Variants in PHF21A observed in about 807,000 individuals in gnomAD.
PHF21A encodes the protein PHD finger protein 21A.
Under a neutral mutation model 82.5 loss-of-function variants are expected in PHF21A, and 11 were observed. That is an observed-to-expected ratio of 0.13 (90% confidence interval 0.08 to 0.22). The LOEUF is 0.22. Ranked by LOEUF, PHF21A falls within the 10% of genes least tolerant of loss-of-function variation. The pLI, the probability that PHF21A is intolerant of heterozygous loss-of-function variation, is 1.00. For synonymous variants in PHF21A, 297 were observed against 302.8 expected (o/e 0.98, Z 0.20); for missense variants, 579 against 837.8 (o/e 0.69, Z 3.81).
chr11:46,073,089 G>A (rs2096673620), intron 6 of PHF21A, among the ~76,000 whole-genome samples: 1 of 152,150 alleles, frequency 6.6e-6, no homozygotes, highest in Non-Finnish European at 1.5e-5. Flanking sequence ...AGCACTTTGG[G>A]AGGCCGAGGT....
chr11:45,997,868 A>C (rs1483734684), intron 6 of PHF21A, among the ~76,000 whole-genome samples: 1 of 152,160 alleles, frequency 6.6e-6, no homozygotes, highest in South Asian at 2.1e-4. Context: ...ATCAGAACCT[A>C]AAACTACCAC....
At chr11:45,990,742 T>G (rs558309794) in intron 6 of PHF21A, among the ~76,000 whole-genome samples, 47 of 152,178 alleles carry the variant, frequency 3.1e-4, no homozygotes, top group Admixed American at 2.9e-3. Context: ...ACTTTATTTT[T>G]AGAGCAGTTT....
intron 1 of PHF21A, among the ~76,000 whole-genome samples, chr11:46,102,164 G>A (rs1593252795): frequency 1.3e-5 from 2 of 151,582 alleles, no homozygotes; most frequent in Non-Finnish European, 2.9e-5. Flanking sequence ...CCCTGTGCTG[G>A]TATCAAACTC....
At chr11:46,024,804 A>T (rs191358284) in intron 6 of PHF21A, among the ~76,000 whole-genome samples, 2 of 152,172 alleles carry the variant, frequency 1.3e-5, no homozygotes, top group African/African-American at 4.8e-5. Context: ...CATCTCAAAA[A>T]AAAGAAAGAA....
rs185866314 is a variant in PHF21A at position 45,963,738 on chromosome 11, G to A, written c.996+1577C>T. On this transcript the variant is annotated intron_variant, in intron 10 of 18. Coordinates refer to ENST00000676320, the MANE Select transcript of PHF21A (RefSeq NM_001352027.3). ...ATAACCTAAAATAGTGTTGTGAAAC[G>A]AGGTTCTGTGGAACACTGAGGCTCC... Among the ~76,000 whole-genome samples, 89 of 152,160 alleles carry A rather than the reference G, an allele frequency of 5.8e-4. 1 individual carries two copies. The highest frequency in any genetic ancestry group is 5.8e-3 in the East Asian group (30 of 5,182).
chr11:45,984,900 T>C (rs1470326153), intron 6 of PHF21A, among the ~76,000 whole-genome samples: 1 of 152,218 alleles, frequency 6.6e-6, no homozygotes, highest in Non-Finnish European at 1.5e-5. Flanking sequence ...TTACACAGTA[T>C]TGCCTTAAAG....
chr11:46,049,131 T>C (rs1422632000), intron 6 of PHF21A, among the ~76,000 whole-genome samples: 1 of 152,204 alleles, frequency 6.6e-6, no homozygotes, highest in Admixed American at 6.5e-5. Context: ...ATTTTCCTCC[T>C]TTTCTCCCCA....
chr11:46,015,277 T>TCTCCCA (rs1386920456), intron 6 of PHF21A, among the ~76,000 whole-genome samples: 1 of 152,196 alleles, frequency 6.6e-6, no homozygotes, highest in African/African-American at 2.4e-5. Context: ...GCAAATATTT[T>TCTCCCA]CTCCCATTCT....
chr11:46,092,385 G>C (rs2135482631), intron 1 of PHF21A, among the ~76,000 whole-genome samples, 162 bp from the exon 2 acceptor site: 1 of 152,166 alleles, frequency 6.6e-6, no homozygotes, highest in Middle Eastern at 3.4e-3. Flanking sequence ...GAAGCAATAG[G>C]TAATTTTTAC....
intron 11 of PHF21A, among the ~76,000 whole-genome samples, chr11:45,950,700 G>A (rs2091984561): frequency 6.6e-6 from 1 of 152,116 alleles, no homozygotes; most frequent in Non-Finnish European, 1.5e-5. Flanking sequence ...CTTTCTCAAT[G>A]ACAGAAATCA....
At chr11:46,111,320 A>G (rs566230013) in intron 1 of PHF21A, among the ~76,000 whole-genome samples, 5 of 151,746 alleles carry the variant, frequency 3.3e-5, no homozygotes, top group Admixed American at 2.0e-4. Flanking sequence ...AAATATAACA[A>G]TTAGCCAGGC....
intron 1 of PHF21A, among the ~76,000 whole-genome samples, chr11:46,102,951 G>A (rs1158868535): frequency 6.6e-6 from 1 of 152,156 alleles, no homozygotes; most frequent in Non-Finnish European, 1.5e-5. Flanking sequence ...ATGAATAACA[G>A]GCAGGGGACG....
At chr11:45,993,093 A>G (rs2094774495) in intron 6 of PHF21A, among the ~76,000 whole-genome samples, 1 of 152,250 alleles carries the variant, frequency 6.6e-6, no homozygotes, top group African/African-American at 2.4e-5. Context: ...TTTACATTTA[A>G]CTGGTTCTCA....
chr11:46,086,812 G>A (rs1045518178), intron 3 of PHF21A, among the ~76,000 whole-genome samples: 2 of 152,056 alleles, frequency 1.3e-5, no homozygotes, highest in African/African-American at 4.8e-5. Flanking sequence ...GGAAATGAAC[G>A]GCAGGTTAAA....
intron 6 of PHF21A, among the ~76,000 whole-genome samples, chr11:46,009,213 A>T (rs999846416): frequency 3.3e-5 from 5 of 152,040 alleles, no homozygotes; most frequent in African/African-American, 4.8e-5. Flanking sequence ...ACCTCAGGTA[A>T]TCTGCCCGCC....
chr11:45,968,927 A>C (rs2093603708), intron 9 of PHF21A, among the ~76,000 whole-genome samples: 1 of 104,440 alleles, frequency 9.6e-6, no homozygotes, highest in Admixed American at 1.1e-4. Flanking sequence ...GCGAAACTCC[A>C]TTGCAAAAAA....
chr11:46,042,363 A>AGCC (rs1326076148), intron 6 of PHF21A, among the ~76,000 whole-genome samples: 2 of 152,180 alleles, frequency 1.3e-5, no homozygotes, highest in African/African-American at 4.8e-5. Flanking sequence ...TCCTAGAAGC[A>AGCC]GCCATATTAG....
At chr11:46,002,698 T>A (rs1439065132) in intron 6 of PHF21A, among the ~76,000 whole-genome samples, 1 of 152,176 alleles carries the variant, frequency 6.6e-6, no homozygotes, top group Non-Finnish European at 1.5e-5. Context: ...CCCCGTAAAA[T>A]GTCCTATGTG....
chr11:45,966,156 C>A (rs995493271), intron 9 of PHF21A, among the ~76,000 whole-genome samples: 1 of 150,124 alleles, frequency 6.7e-6, no homozygotes. Context: ...GGAGCTTTTG[C>A]CCATCTCATG....
Sources: gnomAD v4.1 joint callset for allele counts (sites outside exome capture counted in the v4.1 genomes callset) on GRCh38, gnomAD v4.1.1 for gene constraint, MANE v1.5 for transcripts, NCBI Gene and HGNC (gene_info 2026-07-23, HGNC 2026-07-21) for gene names.